Variants in ZKSCAN2 observed in about 807,000 individuals in gnomAD.
ZKSCAN2 encodes zinc finger protein with KRAB and SCAN domains 2.
A neutral mutation model predicts 90.5 loss-of-function variants in ZKSCAN2; 38 were observed. That is an observed-to-expected ratio of 0.42 (90% CI 0.32 to 0.55). The LOEUF is 0.55. Among genes scored for constraint, ZKSCAN2 ranks in the 20% least tolerant of loss-of-function variants. ZKSCAN2 has a pLI of 0.11. For synonymous variants in ZKSCAN2, 429 were observed against 421.6 expected (o/e 1.02, Z -0.22); for missense variants, 1,167 against 1,202.6 (o/e 0.97, Z 0.44).
At chr16:25,251,821 C>T in intron 4 of ZKSCAN2, 88 bp downstream of exon 4, 1 of 1,492,008 alleles carries the variant, frequency 6.7e-7, no homozygotes, top group Non-Finnish European at 9.1e-7. Context: ...TAAGTGTTAA[C>T]ATTTCTATCT....
intron 6 of ZKSCAN2, among the ~76,000 whole-genome samples, chr16:25,242,724 G>A (rs1465729825): frequency 1.3e-5 from 2 of 152,226 alleles, no homozygotes; most frequent in African/African-American, 4.8e-5. Context: ...AGTTGAGGAA[G>A]GAAAATGCTG....
Position 25,240,146 on chromosome 16 carries a change from G to T in ZKSCAN2, c.2574C>A (p.Pro858=). 6.2e-7 allele frequency: 1 copy of T among 1,613,966 alleles called. No individual in the cohort carries two copies. The highest frequency in any genetic ancestry group is 1.7e-4 in the Middle Eastern group (1 of 6,060). Residue 858 remains proline (P), a synonymous_variant, in exon 7 of 7, where the codon CCC becomes CCA. Transcript: ENST00000328086. ...IHQRTHTGEK[P]YQCGECGKSF... The stretch of plus-strand genomic sequence containing the variant: ...TTTTCCCACACTCTCCACACTGATA[G>T]GGCTTCTCACCGGTGTGCGTTCTCT...
At chr16:25,254,106 T>C (rs999747537) in intron 2 of ZKSCAN2, among the ~76,000 whole-genome samples, 34 of 152,238 alleles carry the variant, frequency 2.2e-4, no homozygotes, top group African/African-American at 7.7e-4. Flanking sequence ...ATGGCAGAGC[T>C]AGGTTTTGAA....
In ZKSCAN2 at chr16:25,243,779, C is replaced by CCAAAACTCCTTGGTTTTGCAT. The variant is rs762894997; in HGVS notation, c.1981+5_1981+6insATGCAAAACCAAGGAGTTTTG. On this transcript the variant is annotated splice_donor_region_variant and intron_variant, in intron 6 of 6. Transcript: ENST00000328086. ...TGGACTAAAACTCCTTGGTTTTGCA[C>CCAAAACTCCTTGGTTTTGCAT]CTTACCATTTGGGCTCTGCAGTAGA... The CCAAAACTCCTTGGTTTTGCAT allele has an allele frequency of 1.1e-5, 17 of 1,600,788 alleles. No homozygotes were observed. Among genetic ancestry groups the CCAAAACTCCTTGGTTTTGCAT allele is most frequent in the Non-Finnish European group, 1.4e-5 (17 of 1,174,740 alleles).
At position 25,251,988 on chromosome 16, in the gene ZKSCAN2, C is replaced by T; in HGVS notation, c.726G>A (p.Lys242=). ...TTTGGGCAGGAATCTGATGCACACT[C>T]TTTCTGTAGGAAAAGCCTCTGGCCA... ...VHVARGFSYR[K]SVHQIPAQRD... Residue 242 remains lysine (K), a synonymous_variant, in exon 4 of 7, where the codon AAG becomes AAA. Coordinates refer to ENST00000328086, the MANE Select transcript of ZKSCAN2 (RefSeq NM_001012981.5). The T allele has an allele frequency of 6.2e-7, 1 of 1,614,194 alleles. No homozygotes were observed. Among genetic ancestry groups the T allele is most frequent in the East Asian group, 2.2e-5 (1 of 44,880 alleles).
Position 25,252,950 on chromosome 16 carries a change from G to T in ZKSCAN2, c.674C>A (p.Ser225Tyr). 6.2e-7 allele frequency: 1 copy of T among 1,612,794 alleles called. No homozygotes were observed. The highest frequency in any genetic ancestry group is 8.5e-7 in the Non-Finnish European group (1 of 1,178,934). Residue 225 changes from serine (S) to tyrosine (Y), a missense_variant, in exon 3 of 7, where the codon TCC (serine) becomes TAC (tyrosine). Coordinates refer to ENST00000328086, the MANE Select transcript of ZKSCAN2 (RefSeq NM_001012981.5). Reference sequence around the variant, plus strand: ...AAAAAGACAATTACAATGTACCTGGGACCCAGCAGGAAGCCGTGTGGTTGT... The same window carrying T: ...AAAAAGACAATTACAATGTACCTGGTACCCAGCAGGAAGCCGTGTGGTTGT... ...EVTTTRLPAG[S>Y]QEPVKDVHVA...
intron 5 of ZKSCAN2, among the ~76,000 whole-genome samples, chr16:25,244,778 G>A (rs936516954): frequency 8.5e-5 from 13 of 152,180 alleles, no homozygotes; most frequent in Non-Finnish European, 5.9e-5. Flanking sequence ...TTGAGGAGCA[G>A]AACTATGTTC....
At chr16:25,243,232 ACT>A (rs533239400) in intron 6 of ZKSCAN2, among the ~76,000 whole-genome samples, 24 of 152,326 alleles carry the variant, frequency 1.6e-4, no homozygotes, top group African/African-American at 5.8e-4. Flanking sequence ...GATACAAAAC[ACT>A]GTCTGACCCA....
At position 25,255,216 on chromosome 16, in the gene ZKSCAN2, T is replaced by TA; in HGVS notation, c.575dup (p.Leu192PhefsTer16). 1 of 1,603,192 alleles carries TA rather than the reference T, an allele frequency of 6.2e-7. No homozygotes were observed. Among genetic ancestry groups the TA allele is most frequent in the South Asian group, 1.1e-5 (1 of 89,526 alleles). The stretch of plus-strand genomic sequence containing the variant: ...AGTCTTCCCTCTTACCATTCTTGGG[T>TA]AAGGGCCGACGTTCTCGCTTTCGGT... On this transcript the variant is annotated frameshift_variant, in exon 2 of 7. Transcript: ENST00000328086. LOFTEE classifies it high-confidence loss of function.
In ZKSCAN2 at chr16:25,239,268, A is replaced by T. The variant is rs1962811894; in HGVS notation, c.*548T>A. 1 of 152,328 alleles carries T rather than the reference A, an allele frequency of 6.6e-6. No individual in the cohort carries two copies. The highest frequency in any genetic ancestry group is 1.5e-5 in the Non-Finnish European group (1 of 68,092). The allele number at this position is 152,328 out of a possible 1,614,324, so 9.4% of individuals were successfully genotyped here. A position where few individuals can be genotyped will look rare whatever the true frequency, so the allele number is the denominator to read the frequency against. ...TATTTGGATCAACTTCTTGACAAAA[A>T]AAAAAAAAAAGGTACACTGTAACAG... On this transcript the variant is annotated 3_prime_UTR_variant, in exon 7 of 7. Transcript: ENST00000328086.
chr16:25,245,357 G>A (rs1962916068), intron 5 of ZKSCAN2, among the ~76,000 whole-genome samples: 1 of 152,158 alleles, frequency 6.6e-6, no homozygotes, highest in Non-Finnish European at 1.5e-5. Context: ...TCCCATCTCA[G>A]TCTCCTAAAG....
intron 4 of ZKSCAN2, among the ~76,000 whole-genome samples, chr16:25,248,080 C>T (rs182080275): frequency 4.2e-4 from 64 of 152,126 alleles, no homozygotes; most frequent in South Asian, 2.5e-3. Flanking sequence ...CTGTCTTACA[C>T]GACTCACAAA....
chr16:25,250,349 G>A (rs1963002682), intron 4 of ZKSCAN2, among the ~76,000 whole-genome samples: 1 of 152,048 alleles, frequency 6.6e-6, no homozygotes, highest in Admixed American at 6.6e-5. Flanking sequence ...GACAACACTT[G>A]GAGGGCATTG....
Position 25,257,238 on chromosome 16 carries a change from A to AC in ZKSCAN2, c.-112_-111insG. On this transcript the variant is annotated 5_prime_UTR_variant, in exon 1 of 7. Transcript: ENST00000328086. Reference sequence around the variant, plus strand: ...GAGTGTGATAAGGTACGGAGGTAAAAACGGCCAGGTCGGCAGGAACAGGGT... The same window carrying AC: ...GAGTGTGATAAGGTACGGAGGTAAAACACGGCCAGGTCGGCAGGAACAGGGT... The AC allele has an allele frequency of 1.4e-6, 2 of 1,470,650 alleles. No individual in the cohort carries two copies. The allele number at this position is 1,470,650 out of a possible 1,614,324, so 91.1% of individuals were successfully genotyped here. A position where few individuals can be genotyped will look rare whatever the true frequency, so the allele number is the denominator to read the frequency against.
chr16:25,245,907 A>T (rs1196885392), intron 5 of ZKSCAN2, among the ~76,000 whole-genome samples: 2 of 152,240 alleles, frequency 1.3e-5, no homozygotes, highest in African/African-American at 2.4e-5. Flanking sequence ...TAACACTAAT[A>T]ACAACCCTAT....
chr16:25,240,356 C>T lies in ZKSCAN2; in HGVS notation c.2364G>A (p.Arg788=). The T allele has an allele frequency of 6.2e-7, 1 of 1,613,962 alleles. No individual in the cohort carries two copies. The highest frequency in any genetic ancestry group is 8.5e-7 in the Non-Finnish European group (1 of 1,180,036). The change falls in exon 7 of 7, where the codon AGG becomes AGA. Residue 788 remains arginine, a synonymous_variant. Coordinates refer to ENST00000328086, the MANE Select transcript of ZKSCAN2 (RefSeq NM_001012981.5). The part of the protein sequence containing the change: ...GVCGKCFGRS[R]SLIRHQRIHT... ...GGATTCTTTGGTGTCTGATCAGGCT[C>T]CTGCTTCTACCAAAGCACTTCCCAC...
In ZKSCAN2 at chr16:25,257,512, G is replaced by A. The variant is rs1597649264; in HGVS notation, c.-385C>T. The A allele has an allele frequency of 2.0e-6, 2 of 993,458 alleles. No homozygotes were observed. The highest frequency in any genetic ancestry group is 2.2e-4 in the East Asian group (2 of 9,120). 61.5% of individuals were successfully genotyped at this position (993,458 alleles called of 1,614,324 possible). ...GGAGGGGGTGTGTCCGCTACTCCCG[G>A]GTCGGGCGCGGAGAGGCGAGTCCCC... On this transcript the variant is annotated 5_prime_UTR_variant, in exon 1 of 7. Transcript: ENST00000328086.
chr16:25,253,898 C>T (rs1284717819), intron 2 of ZKSCAN2, among the ~76,000 whole-genome samples: 1 of 152,204 alleles, frequency 6.6e-6, no homozygotes, highest in African/African-American at 2.4e-5. Context: ...ATCCCAGCTA[C>T]TCGAGAGACT....
At chr16:25,245,303 C>T (rs1962915337) in intron 5 of ZKSCAN2, among the ~76,000 whole-genome samples, 1 of 152,138 alleles carries the variant, frequency 6.6e-6, no homozygotes, top group Non-Finnish European at 1.5e-5. Context: ...CGGAGTCTCG[C>T]TGTGTTGCCC....
Sources: gnomAD v4.1 joint callset for allele counts (sites outside exome capture counted in the v4.1 genomes callset) on GRCh38, gnomAD v4.1.1 for gene constraint, MANE v1.5 for transcripts, NCBI Gene and HGNC (gene_info 2026-07-23, HGNC 2026-07-21) for gene names.